The following TPH2 variants were observed in gnomAD, a reference collection of about 807,000 sequenced individuals.
TPH2 encodes the protein tryptophan hydroxylase 2, also known as tryptophan 5-hydroxylase 2.
TPH2 carries 27 observed loss-of-function variants against 59.1 expected under a neutral mutation model. The ratio of observed to expected loss-of-function variants is 0.46; its 90% CI spans 0.34 to 0.63. The LOEUF is 0.63. Among genes scored for constraint, TPH2 ranks in the 30% least tolerant of loss-of-function variants. The pLI is 0.01. For synonymous variants in TPH2, 220 were observed against 210.5 expected, an observed-to-expected ratio of 1.05 and a Z score of -0.39; for missense variants, 523 against 588.3, an observed-to-expected ratio of 0.89 and a Z score of 1.15.
chr12:72,015,656 C>A (rs12231341), intron 8 of TPH2, among the ~76,000 whole-genome samples: 2 of 152,006 alleles, frequency 1.3e-5, no homozygotes, highest in African/African-American at 4.8e-5. Flanking sequence ...AAGCTACAGC[C>A]GCTGATGTTA....
intron 8 of TPH2, among the ~76,000 whole-genome samples, chr12:72,001,319 G>A (rs1286299642): frequency 2.6e-5 from 4 of 152,162 alleles, no homozygotes; most frequent in African/African-American, 7.2e-5. Flanking sequence ...TCCCAGAACC[G>A]GTTCCTGGAA....
At chr12:72,016,984 T>C (rs1294800860) in intron 8 of TPH2, among the ~76,000 whole-genome samples, 1 of 152,130 alleles carries the variant, frequency 6.6e-6, no homozygotes. Flanking sequence ...AGTAGGGAAA[T>C]GGGAATAGTA....
chr12:71,964,916 T>C (rs1290927862), intron 5 of TPH2: 1 of 212,636 alleles, frequency 4.7e-6, no homozygotes, highest in Non-Finnish European at 8.1e-6. Flanking sequence ...TAGTTTACTT[T>C]CCTGCTCCTC....
At chr12:71,950,484 G>A (rs1349649752) in intron 5 of TPH2, among the ~76,000 whole-genome samples, 2 of 152,192 alleles carry the variant, frequency 1.3e-5, no homozygotes, top group African/African-American at 4.8e-5. Context: ...AGGCCTGACA[G>A]TGACAGGATG....
intron 5 of TPH2, chr12:71,964,603 A>G (rs1871764444): frequency 9.1e-6 from 9 of 985,346 alleles, no homozygotes; most frequent in Non-Finnish European, 9.6e-6. Context: ...TGCAGGTGAT[A>G]CTATTTCATG....
At chr12:71,939,425 A>G (rs1870995637) in intron 1 of TPH2, among the ~76,000 whole-genome samples, 1 of 151,466 alleles carries the variant, frequency 6.6e-6, no homozygotes, top group African/African-American at 2.4e-5. Context: ...TGGAGTGTGA[A>G]GAATTTTGAA....
intron 9 of TPH2, among the ~76,000 whole-genome samples, chr12:72,029,602 C>T (rs1873665675): frequency 6.6e-6 from 1 of 152,116 alleles, no homozygotes. Flanking sequence ...TGTTCACTGC[C>T]CTGCATTGAA....
intron 8 of TPH2, among the ~76,000 whole-genome samples, chr12:72,019,604 T>C (rs912665157): frequency 5.9e-5 from 9 of 152,216 alleles, no homozygotes; most frequent in Admixed American, 2.0e-4. Flanking sequence ...TTTGACATAT[T>C]ATATGGTTTT....
intron 7 of TPH2, among the ~76,000 whole-genome samples, chr12:71,985,740 G>A (rs930781946): frequency 1.3e-5 from 2 of 152,116 alleles, no homozygotes; most frequent in African/African-American, 2.4e-5. Context: ...ACCCTGATTT[G>A]CTAGAACCCT....
intron 7 of TPH2, among the ~76,000 whole-genome samples, chr12:71,991,663 T>C (rs1315814286): frequency 6.6e-6 from 1 of 152,084 alleles, no homozygotes; most frequent in Non-Finnish European, 1.5e-5. Context: ...GGCATGACCT[T>C]TTAAAAAAAT....
At chr12:71,991,463 A>G (rs1326594828) in intron 7 of TPH2, among the ~76,000 whole-genome samples, 4 of 152,192 alleles carry the variant, frequency 2.6e-5, no homozygotes. Context: ...GTTTATGTCA[A>G]TGAGAGAATA....
chr12:71,954,203 G>A (rs11830353), intron 5 of TPH2, among the ~76,000 whole-genome samples: 3,004 of 152,190 alleles, frequency 0.02, 122 homozygotes, highest in African/African-American at 0.065. Context: ...GCTAACTGTC[G>A]ATAGATGCCA....
chr12:72,028,320 C>T (rs762341528), intron 9 of TPH2, among the ~76,000 whole-genome samples: 3 of 152,214 alleles, frequency 2.0e-5, no homozygotes, highest in Non-Finnish European at 4.4e-5. Context: ...ACAGAGAATC[C>T]ACTCTGGACA....
At chr12:72,020,402 T>C (rs1054629829) in intron 8 of TPH2, among the ~76,000 whole-genome samples, 5 of 152,192 alleles carry the variant, frequency 3.3e-5, no homozygotes, top group African/African-American at 7.2e-5. Context: ...AAGTGTTTCA[T>C]AGAAAGAATG....
chr12:71,981,971 G>A (rs1173233430), intron 7 of TPH2, among the ~76,000 whole-genome samples: 1 of 118,092 alleles, frequency 8.5e-6, no homozygotes, highest in African/African-American at 3.2e-5. Flanking sequence ...ACTTGGGGTT[G>A]TTTTTACAAG....
At chr12:72,005,384 A>G (rs937302381) in intron 8 of TPH2, among the ~76,000 whole-genome samples, 2 of 110,772 alleles carry the variant, frequency 1.8e-5, no homozygotes, top group African/African-American at 5.9e-5. Context: ...CTTATTAAAA[A>G]GATAACATAT....
chr12:72,003,217 T>C (rs1872870937), intron 8 of TPH2, among the ~76,000 whole-genome samples: 1 of 152,118 alleles, frequency 6.6e-6, no homozygotes, highest in Admixed American at 6.6e-5. Flanking sequence ...TACAGAAAGC[T>C]TGAAATAAGC....
intron 7 of TPH2, among the ~76,000 whole-genome samples, chr12:71,992,418 C>A (rs7487961): frequency 6.8e-6 from 1 of 147,918 alleles, no homozygotes; most frequent in Non-Finnish European, 1.5e-5. Context: ...ACCCCCACCC[C>A]CACCCCCACC....
intron 8 of TPH2, among the ~76,000 whole-genome samples, chr12:72,022,118 G>A (rs1441430834): frequency 1.3e-5 from 2 of 151,988 alleles, no homozygotes; most frequent in Non-Finnish European, 2.9e-5. Flanking sequence ...TGTGTTTTTT[G>A]TTTTTAAAAT....
Sources: gnomAD v4.1 joint callset for allele counts (sites outside exome capture counted in the v4.1 genomes callset) on GRCh38, gnomAD v4.1.1 for gene constraint, MANE v1.5 for transcripts, NCBI Gene and HGNC (gene_info 2026-07-23, HGNC 2026-07-21) for gene names.